The following RFTN1 variants were observed in gnomAD, a reference collection of about 807,000 sequenced individuals.
The protein encoded by RFTN1 is raftlin, lipid raft linker 1.
In RFTN1, 26 loss-of-function variants were observed where a neutral mutation model predicts 46.5. That is an observed-to-expected ratio of 0.56 (90% CI 0.41 to 0.78). The LOEUF (loss-of-function observed/expected upper bound fraction) is 0.78, where lower values mean the gene tolerates loss of function less well. RFTN1 is among the 30% of genes least tolerant of loss of function. RFTN1 has a pLI of 0.00. For synonymous variants in RFTN1, 261 were observed against 284.2 expected, an observed-to-expected ratio of 0.92 and a Z score of 0.82; for missense variants, 693 against 718.7, an observed-to-expected ratio of 0.96 and a Z score of 0.41.
chr3:16,490,731 A>G (rs921678862), intron 2 of RFTN1, among the ~76,000 whole-genome samples: 3 of 152,274 alleles, frequency 2.0e-5, no homozygotes, highest in African/African-American at 7.2e-5. Context: ...AATAGCCCAA[A>G]GCCCAAAATA....
rs1269115121 is a variant in RFTN1 at position 16,509,773 on chromosome 3, G to C, written c.-9+3669C>G. On this transcript the variant is annotated intron_variant, in intron 1 of 9. Transcript: ENST00000334133. This position sits in a 1 kb window ranked among gnomAD's most constrained non-coding sequence, Gnocchi z 4.9. The stretch of plus-strand genomic sequence containing the variant: ...AGGCGATCACCCAGATGGGTATCAC[G>C]AGTCACGAAATCACTCAGCCAATGT... Among the ~76,000 whole-genome samples, 1 of 152,150 alleles carries C rather than the reference G, an allele frequency of 6.6e-6. No individual in the cohort carries two copies. Among genetic ancestry groups the C allele is most frequent in the Non-Finnish European group, 1.5e-5 (1 of 68,028 alleles).
intron 2 of RFTN1, among the ~76,000 whole-genome samples, chr3:16,492,547 G>A (rs181630450): frequency 6.6e-6 from 1 of 152,304 alleles, no homozygotes; most frequent in East Asian, 1.9e-4. Flanking sequence ...AAATCCATGA[G>A]CATGAGGGCT....
rs1263779721 is a variant in RFTN1, at chr3:16,320,201, G to GT, written c.1333-2970dup. Among the ~76,000 whole-genome samples the GT allele has an allele frequency of 2.0e-5, 3 of 152,244 alleles. No individual in the cohort carries two copies. The highest frequency in any genetic ancestry group is 7.2e-5 in the African/African-American group (3 of 41,470). On this transcript the variant is annotated intron_variant, in intron 9 of 9. Transcript: ENST00000334133. The surrounding 1 kb of genome is among the most constrained non-coding windows in gnomAD (Gnocchi z 4.5). ...TTTAGCTGGAAGGAAGTCTTCCCGA[G>GT]TTGTAGAAATCACCTACTCCCTTTG...
chr3:16,434,104 C>T lies in RFTN1; in HGVS notation c.146-67G>A, dbSNP rs1033988965. 4 of 1,376,632 alleles carry T rather than the reference C, an allele frequency of 2.9e-6. No homozygotes were observed. In the East Asian group the frequency reaches 9.8e-5, roughly 34 times the overall value. 85.3% of individuals were successfully genotyped at this position (1,376,632 alleles called of 1,614,324 possible). On this transcript the variant is annotated intron_variant, in intron 2 of 9. Coordinates refer to ENST00000334133, the MANE Select transcript of RFTN1 (RefSeq NM_015150.2). ...ACGCCCACTCAGCCCTGCCCAAACCCCTCTTCCCTTGCCCTCGGGGAGGAT... is the reference window on the plus strand; with the variant it reads ...ACGCCCACTCAGCCCTGCCCAAACCTCTCTTCCCTTGCCCTCGGGGAGGAT...
chr3:16,380,689 GC>G lies in RFTN1; in HGVS notation c.442-2588del, dbSNP rs1479032250. ...TCAGAAACTCTGAGGGTGAGATCCA[GC>G]AATCTGTGTCTTAACAAGTCCTCCG... is the stretch of plus-strand genomic sequence containing the variant. On this transcript the variant is annotated intron_variant, in intron 4 of 9. Coordinates refer to ENST00000334133, the MANE Select transcript of RFTN1 (RefSeq NM_015150.2). The surrounding 1 kb of genome is among the most constrained non-coding windows in gnomAD (Gnocchi z 4.8). Among the ~76,000 whole-genome samples, 3 of 152,212 alleles carry G rather than the reference GC, an allele frequency of 2.0e-5. No homozygotes were observed. The highest frequency in any genetic ancestry group is 7.2e-5 in the African/African-American group (3 of 41,456).
In RFTN1 at chr3:16,385,695, G is replaced by T. The variant is rs2074148201; in HGVS notation, c.442-7593C>A. Among the ~76,000 whole-genome samples the T allele has an allele frequency of 6.6e-6, 1 of 152,176 alleles. No homozygotes were observed. The highest frequency in any genetic ancestry group is 2.4e-5 in the African/African-American group (1 of 41,428). ...CACAGAGTAGTTTGTCATAGTAGAT[G>T]CATGCCCTGACCAGGAGGGCACAGT... On this transcript the variant is annotated intron_variant, in intron 4 of 9. Coordinates refer to ENST00000334133, the MANE Select transcript of RFTN1 (RefSeq NM_015150.2). The surrounding 1 kb of genome is among the most constrained non-coding windows in gnomAD (Gnocchi z 5.0).
chr3:16,358,634 G>A (rs1277767541), intron 6 of RFTN1, among the ~76,000 whole-genome samples: 2 of 152,076 alleles, frequency 1.3e-5, no homozygotes, highest in Non-Finnish European at 2.9e-5. Context: ...TTCCCTGGGT[G>A]CTGCTCTAGT....
At chr3:16,391,902 T>A (rs2945052) in intron 4 of RFTN1, among the ~76,000 whole-genome samples, 6 of 110,890 alleles carry the variant, frequency 5.4e-5, no homozygotes, top group East Asian at 6.4e-4. Context: ...TTGTTTTTTT[T>A]ACGGGGAAGA....
Position 16,403,874 on chromosome 3 carries a change from TTA to T in RFTN1, c.441+5499_441+5500del, listed in dbSNP as rs1182581804. 3.5e-3 allele frequency among the ~76,000 whole-genome samples: 7 copies of T among 1,972 alleles called. 1 individual carries two copies. The highest frequency in any genetic ancestry group is 0.012 in the Admixed American group (1 of 84). 1.3% of individuals were successfully genotyped at this position (1,972 alleles called of 152,430 possible). A position where few individuals can be genotyped will look rare whatever the true frequency, so the allele number is the denominator to read the frequency against. On this transcript the variant is annotated intron_variant, in intron 4 of 9. Coordinates refer to ENST00000334133, the MANE Select transcript of RFTN1 (RefSeq NM_015150.2). ...ATATTTTATATATATTATATTATAT[TTA>T]TATATATATATAATATATATTTTAT...
rs1339756033 is a variant in RFTN1, at chr3:16,433,840, G to A, written c.332+11C>T. ...AACAGGATGCTACCCATTCACCCGT[G>A]GAGGCCTTACCTGTCGGTTTTCTTG... On this transcript the variant is annotated intron_variant, in intron 3 of 9. Transcript: ENST00000334133. The surrounding 1 kb of genome is among the most constrained non-coding windows in gnomAD (Gnocchi z 4.4). 3.1e-6 allele frequency: 5 copies of A among 1,613,628 alleles called. No homozygotes were observed. The highest frequency in any genetic ancestry group is 4.2e-6 in the Non-Finnish European group (5 of 1,179,664).
chr3:16,499,371 C>T lies in RFTN1; in HGVS notation c.-8-5494G>A, dbSNP rs2076673739. 6.6e-6 allele frequency among the ~76,000 whole-genome samples: 1 copy of T among 152,196 alleles called. No individual in the cohort carries two copies. Among genetic ancestry groups the T allele is most frequent in the Non-Finnish European group, 1.5e-5 (1 of 68,032 alleles). On this transcript the variant is annotated intron_variant, in intron 1 of 9. Transcript: ENST00000334133. This position sits in a 1 kb window ranked among gnomAD's most constrained non-coding sequence, Gnocchi z 4.9. ...GCTTTAAGAAACTTGAGAGCATTTA[C>T]TCCCTGACTTTTGGGGTGCCTGCTC...
intron 3 of RFTN1, among the ~76,000 whole-genome samples, chr3:16,423,143 G>C (rs1158576423): frequency 1.3e-5 from 2 of 151,540 alleles, no homozygotes; most frequent in Admixed American, 1.3e-4. Context: ...ACTCCAGCCT[G>C]GGTGACAGAG....
intron 4 of RFTN1, among the ~76,000 whole-genome samples, chr3:16,379,108 A>G (rs190872992): frequency 3.5e-3 from 535 of 152,354 alleles, no homozygotes; most frequent in African/African-American, 0.012. Context: ...CTTAGTCACC[A>G]AGCTCTAAGC....
rs2073958939 is a variant in RFTN1, at chr3:16,380,670, ACT to A, written c.442-2570_442-2569del. Among the ~76,000 whole-genome samples, 1 of 152,108 alleles carries A rather than the reference ACT, an allele frequency of 6.6e-6. No homozygotes were observed. Among genetic ancestry groups the A allele is most frequent in the Non-Finnish European group, 1.5e-5 (1 of 68,026 alleles). On this transcript the variant is annotated intron_variant, in intron 4 of 9. Coordinates refer to ENST00000334133, the MANE Select transcript of RFTN1 (RefSeq NM_015150.2). The surrounding 1 kb of genome is among the most constrained non-coding windows in gnomAD (Gnocchi z 4.8). ...CCACCACAGACCTACTGAGTCAGAA[ACT>A]CTGAGGGTGAGATCCAGCAATCTGT...
intron 5 of RFTN1, among the ~76,000 whole-genome samples, chr3:16,377,019 A>C (rs2073801035): frequency 6.6e-6 from 1 of 152,098 alleles, no homozygotes; most frequent in Non-Finnish European, 1.5e-5. Flanking sequence ...TTATGTAAGT[A>C]CCTTGCTCTC....
intron 2 of RFTN1, 140 bp downstream of exon 2, chr3:16,493,585 C>A: frequency 3.8e-6 from 3 of 784,492 alleles, no homozygotes; most frequent in Non-Finnish European, 6.0e-6. Context: ...TCTCTGTAAG[C>A]CGCCCCCTTG....
At chr3:16,454,430 A>G (rs1426535114) in intron 2 of RFTN1, among the ~76,000 whole-genome samples, 1 of 152,178 alleles carries the variant, frequency 6.6e-6, no homozygotes, top group Non-Finnish European at 1.5e-5. Flanking sequence ...CTACTAAATC[A>G]GACCTGCATT....
chr3:16,510,775 T>C (rs1025844370), intron 1 of RFTN1, among the ~76,000 whole-genome samples: 1 of 152,308 alleles, frequency 6.6e-6, no homozygotes, highest in African/African-American at 2.4e-5. Flanking sequence ...TACTAGGTGT[T>C]TACCCATGAG....
chr3:16,478,038 G>A (rs529149243), intron 2 of RFTN1, among the ~76,000 whole-genome samples: 12 of 152,260 alleles, frequency 7.9e-5, no homozygotes, highest in East Asian at 3.9e-4. Flanking sequence ...GAAGAACATC[G>A]TAGGGACCAC....
Sources: allele counts gnomAD v4.1 joint callset (sites outside exome capture counted in the v4.1 genomes callset), GRCh38; gene constraint gnomAD v4.1.1; non-coding constraint Gnocchi (gnomAD v3.1); transcripts MANE v1.5; gene names NCBI Gene and HGNC (gene_info 2026-07-23, HGNC 2026-07-21).